Variants in R3HDM2 observed in about 807,000 individuals in gnomAD.
The protein encoded by R3HDM2 is R3H domain containing 2.
Under a neutral mutation model 124.5 loss-of-function variants are expected in R3HDM2, and 38 were observed. That is an observed-to-expected ratio of 0.31 (90% confidence interval 0.24 to 0.40). The LOEUF (loss-of-function observed/expected upper bound fraction) is 0.40. R3HDM2 is among the 10% of genes least tolerant of loss of function. The pLI, the probability that R3HDM2 is intolerant of heterozygous loss-of-function variation, is 1.00. For missense variants in R3HDM2, 869 were observed against 1,236.9 expected (o/e 0.70, Z 4.46); for synonymous variants, 391 against 448.0 (o/e 0.87, Z 1.61).
At chr12:57,320,156 G>A (rs1200818347) in intron 2 of R3HDM2, among the ~76,000 whole-genome samples, 1 of 149,826 alleles carries the variant, frequency 6.7e-6, no homozygotes, top group Non-Finnish European at 1.5e-5. Context: ...AGCTACTCAG[G>A]AGGCTGAAGC....
chr12:57,408,558 C>G (rs1414656308), intron 1 of R3HDM2, among the ~76,000 whole-genome samples: 1 of 152,030 alleles, frequency 6.6e-6, no homozygotes, highest in Non-Finnish European at 1.5e-5. Flanking sequence ...TGGTTAAACC[C>G]TGTCTCTATT....
intron 1 of R3HDM2, among the ~76,000 whole-genome samples, chr12:57,416,209 T>C (rs1302847158): frequency 6.6e-6 from 1 of 151,916 alleles, no homozygotes; most frequent in Non-Finnish European, 1.5e-5. Flanking sequence ...CAAAAAACTG[T>C]GTGTGTACTA....
chr12:57,269,218 T>C, intron 16 of R3HDM2, 105 bp downstream of exon 16: 1 of 1,554,914 alleles, frequency 6.4e-7, no homozygotes. Flanking sequence ...CCCTAATCAT[T>C]CCTGCCCCTA....
intron 19 of R3HDM2, among the ~76,000 whole-genome samples, chr12:57,264,414 A>T (rs1407958286): frequency 9.7e-6 from 1 of 102,986 alleles, no homozygotes; most frequent in Non-Finnish European, 2.2e-5. Context: ...AAAAAAAAAA[A>T]TACAAAAATT....
intron 2 of R3HDM2, among the ~76,000 whole-genome samples, chr12:57,393,103 A>AT (rs1307066758): frequency 1.2e-3 from 142 of 117,666 alleles, no homozygotes; most frequent in African/African-American, 1.4e-3. Context: ...TGCGCCAGGC[A>AT]TTTTTTTTTT....
chr12:57,304,978 G>A (rs187194693), intron 3 of R3HDM2, among the ~76,000 whole-genome samples: 8 of 152,310 alleles, frequency 5.3e-5, no homozygotes, highest in Admixed American at 1.3e-4. Flanking sequence ...GAAGTCAGGA[G>A]TTCAAGGCCA....
chr12:57,283,170 A>G (rs2046565719), intron 13 of R3HDM2, among the ~76,000 whole-genome samples: 1 of 152,224 alleles, frequency 6.6e-6, no homozygotes, highest in Non-Finnish European at 1.5e-5. Context: ...CAAAGCCTCT[A>G]CAATCTCAAG....
intron 1 of R3HDM2, among the ~76,000 whole-genome samples, chr12:57,423,309 AG>A (rs2070387205): frequency 6.6e-6 from 1 of 151,972 alleles, no homozygotes; most frequent in African/African-American, 2.4e-5. Flanking sequence ...CTGTAATCCC[AG>A]CTACTTGTAA....
chr12:57,335,492 CTTT>C (rs34808381), intron 2 of R3HDM2, among the ~76,000 whole-genome samples: 10 of 111,714 alleles, frequency 9.0e-5, no homozygotes, highest in Admixed American at 1.9e-4. Flanking sequence ...GCCCGGCCAC[CTTT>C]TTTTTTTTTT....
At chr12:57,421,952 C>T (rs1195767084) in intron 1 of R3HDM2, among the ~76,000 whole-genome samples, 1 of 151,830 alleles carries the variant, frequency 6.6e-6, no homozygotes, top group African/African-American at 2.4e-5. Context: ...AAAAATTAGC[C>T]GGGTGTGGTG....
chr12:57,326,871 T>C (rs571812448), intron 2 of R3HDM2, among the ~76,000 whole-genome samples: 42 of 152,138 alleles, frequency 2.8e-4, no homozygotes, highest in Non-Finnish European at 4.6e-4. Context: ...TTAAGAATTA[T>C]GCCAAATCAA....
intron 2 of R3HDM2, among the ~76,000 whole-genome samples, chr12:57,325,290 C>G (rs2057145889): frequency 6.6e-6 from 1 of 152,154 alleles, no homozygotes; most frequent in Admixed American, 6.6e-5. Flanking sequence ...ATTACAGGCA[C>G]ATACCACCAT....
intron 2 of R3HDM2, among the ~76,000 whole-genome samples, chr12:57,343,090 A>G (rs1704485249): frequency 6.6e-6 from 1 of 152,188 alleles, no homozygotes; most frequent in African/African-American, 2.4e-5. Flanking sequence ...TAAAATAAAG[A>G]AATTGGTACA....
rs756852242 is a variant in R3HDM2, at chr12:57,258,959, A to G, written c.2232T>C (p.Cys744=). The G allele has an allele frequency of 3.1e-6, 5 of 1,612,890 alleles. No homozygotes were observed. The highest frequency in any genetic ancestry group is 2.2e-5 in the East Asian group (1 of 44,856). Residue 744 remains cysteine, a synonymous_variant, in exon 20 of 24, where the codon TGT becomes TGC. Coordinates refer to ENST00000402412, the MANE Select transcript of R3HDM2 (RefSeq NM_001394031.1). ...CCCGCTGGTCCATGCTGTAGTATTTACAATGACTCCACTGGACCATGGATG... is the reference window on the plus strand; with the variant it reads ...CCCGCTGGTCCATGCTGTAGTATTTGCAATGACTCCACTGGACCATGGATG... The part of the protein sequence containing the change: ...QNPSMVQWSH[C]KYYSMDQRGQ...
At chr12:57,324,142 G>A (rs557850691) in intron 2 of R3HDM2, among the ~76,000 whole-genome samples, 66 of 152,256 alleles carry the variant, frequency 4.3e-4, no homozygotes, top group South Asian at 8.3e-4. Context: ...CATAACCGAT[G>A]ACCTTAGAAA....
intron 2 of R3HDM2, among the ~76,000 whole-genome samples, chr12:57,377,343 A>G (rs2064226787): frequency 1.3e-5 from 2 of 152,050 alleles, no homozygotes; most frequent in African/African-American, 2.4e-5. Flanking sequence ...CAACCAATAT[A>G]GCCAACTAGA....
intron 2 of R3HDM2, among the ~76,000 whole-genome samples, chr12:57,337,930 G>C (rs183327300): frequency 8.3e-4 from 127 of 152,300 alleles, no homozygotes; most frequent in African/African-American, 3.0e-3. Context: ...ATTTTCATCT[G>C]TCAGATATGA....
intron 19 of R3HDM2, among the ~76,000 whole-genome samples, chr12:57,262,480 T>C (rs189172967): frequency 2.2e-3 from 336 of 152,312 alleles, no homozygotes; most frequent in Non-Finnish European, 4.1e-3. Context: ...GTTAGAGTTA[T>C]GTCTCATACT....
Position 57,296,203 on chromosome 12 carries a change from A to G in R3HDM2, c.701+208T>C, listed in dbSNP as rs1361715697. ...TTTTTTTTTTTTTTTAAAGTAATAG[A>G]GATGGGATCTTGCTGTGTTGACCAG... is the stretch of plus-strand genomic sequence containing the variant. On this transcript the variant is annotated intron_variant, in intron 9 of 23. Coordinates refer to ENST00000402412, the MANE Select transcript of R3HDM2 (RefSeq NM_001394031.1). The surrounding 1 kb of genome is among the most constrained non-coding windows in gnomAD (Gnocchi z 4.5). 6.6e-6 allele frequency among the ~76,000 whole-genome samples: 1 copy of G among 150,882 alleles called. No homozygotes were observed. Among genetic ancestry groups the G allele is most frequent in the Non-Finnish European group, 1.5e-5 (1 of 67,830 alleles).
Sources: gnomAD v4.1 joint callset for allele counts (sites outside exome capture counted in the v4.1 genomes callset) on GRCh38, gnomAD v4.1.1 for gene constraint, Gnocchi (gnomAD v3.1) non-coding constraint, MANE v1.5 for transcripts, NCBI Gene and HGNC (gene_info 2026-07-23, HGNC 2026-07-21) for gene names.